The following KCNK10 variants were observed in gnomAD, a reference collection of about 807,000 sequenced individuals.
The protein encoded by KCNK10 is potassium channel subfamily K member 10.
A neutral mutation model predicts 47.7 loss-of-function variants in KCNK10; 25 were observed. The observed-to-expected ratio is 0.52, with a 90% confidence interval of 0.38 to 0.73. The LOEUF is 0.73. Among genes scored for constraint, KCNK10 ranks in the 30% least tolerant of loss-of-function variants. The probability of loss-of-function intolerance (pLI) is 0.00; values close to 1 mark genes in which losing one functional copy is unlikely to be tolerated. For missense variants in KCNK10, 563 were observed against 714.5 expected, an observed-to-expected ratio of 0.79 and a Z score of 2.42; for synonymous variants, 303 against 285.6, an observed-to-expected ratio of 1.06 and a Z score of -0.61.
In KCNK10 at chr14:88,186,173, G is replaced by C; in HGVS notation, c.1012-18C>G. On this transcript the variant is annotated intron_variant, in intron 6 of 6. Coordinates refer to ENST00000319231, the MANE Select transcript of KCNK10 (RefSeq NM_138317.3). The surrounding 1 kb of genome is among the most constrained non-coding windows in gnomAD (Gnocchi z 5.5). ...TCACCCACCTGGCCAAGAGACAGAA[G>C]AGCAACAATATGCTGACAAATGCCT... is the stretch of plus-strand genomic sequence containing the variant. 1 of 1,561,400 alleles carries C rather than the reference G, an allele frequency of 6.4e-7. No individual in the cohort carries two copies. The highest frequency in any genetic ancestry group is 1.2e-5 in the South Asian group (1 of 82,378).
intron 1 of KCNK10, among the ~76,000 whole-genome samples, chr14:88,285,308 C>T (rs920195560): frequency 4.5e-4 from 69 of 152,228 alleles, no homozygotes; most frequent in Non-Finnish European, 8.5e-4. Context: ...GATGGGGTTT[C>T]GCCATGTTGG....
chr14:88,258,693 G>A (rs975137864), intron 2 of KCNK10, among the ~76,000 whole-genome samples: 3 of 152,152 alleles, frequency 2.0e-5, no homozygotes, highest in Non-Finnish European at 2.9e-5. Context: ...ATGAATGAAT[G>A]ACTAAATGAA....
At chr14:88,223,842 T>C (rs924676689) in intron 4 of KCNK10, among the ~76,000 whole-genome samples, 1 of 152,170 alleles carries the variant, frequency 6.6e-6, no homozygotes, top group African/African-American at 2.4e-5. Flanking sequence ...GGTTCTTTCT[T>C]TACATCTAGT....
chr14:88,221,300 T>C (rs1028364880), intron 4 of KCNK10, among the ~76,000 whole-genome samples: 3 of 68,976 alleles, frequency 4.3e-5, no homozygotes, highest in African/African-American at 3.0e-4. Context: ...AGACTCTGTC[T>C]CAATAATAAT....
chr14:88,326,711 A>C, upstream of KCNK10: 4 of 506,194 alleles, frequency 7.9e-6, no homozygotes, highest in Admixed American at 3.9e-5. Flanking sequence ...GCAGCTCAAA[A>C]CCTGCCCGGC....
intron 1 of KCNK10, among the ~76,000 whole-genome samples, chr14:88,296,086 C>G (rs1297080388): frequency 6.6e-6 from 1 of 152,180 alleles, no homozygotes; most frequent in Non-Finnish European, 1.5e-5. Flanking sequence ...GAATCTTGCT[C>G]AGGAACCCTA....
intron 1 of KCNK10, among the ~76,000 whole-genome samples, chr14:88,302,219 C>T (rs11159852): frequency 0.1 from 15,818 of 152,154 alleles, 990 homozygotes; most frequent in East Asian, 0.26. Flanking sequence ...AATGAGATGA[C>T]AAACTCTTGA....
intron 1 of KCNK10, among the ~76,000 whole-genome samples, chr14:88,267,790 A>G (rs2474952): frequency 0.67 from 101,719 of 152,078 alleles, 34,400 homozygotes; most frequent in East Asian, 0.94. Context: ...TGGAGTTCTC[A>G]TGCCTGGAAC....
chr14:88,277,460 G>A (rs373991814), intron 1 of KCNK10, among the ~76,000 whole-genome samples: 3 of 152,312 alleles, frequency 2.0e-5, no homozygotes, highest in East Asian at 1.9e-4. Context: ...GGGAGTGGGC[G>A]CAGGTTAGAG....
chr14:88,286,478 C>T (rs1241096818), intron 1 of KCNK10, among the ~76,000 whole-genome samples: 1 of 152,208 alleles, frequency 6.6e-6, no homozygotes. Flanking sequence ...AAGCATCCTG[C>T]ACACTGACTA....
chr14:88,315,164 T>G (rs1888405171), intron 1 of KCNK10, among the ~76,000 whole-genome samples: 1 of 152,210 alleles, frequency 6.6e-6, no homozygotes, highest in Non-Finnish European at 1.5e-5. Flanking sequence ...TTCAGGTTAT[T>G]GTAAGAATGT....
rs887044976 is a variant in KCNK10 at position 88,180,824 on chromosome 14, G to C, written c.*4711C>G. The C allele has an allele frequency of 1.5e-5, 6 of 398,594 alleles. No individual in the cohort carries two copies. In the East Asian group the frequency reaches 2.1e-4, roughly 14 times the overall value. The allele number at this position is 398,594 out of a possible 1,614,324, so 24.7% of individuals were successfully genotyped here. A position where few individuals can be genotyped will look rare whatever the true frequency, so the allele number is the denominator to read the frequency against. On this transcript the variant is annotated 3_prime_UTR_variant, in exon 7 of 7. Coordinates refer to ENST00000319231, the MANE Select transcript of KCNK10 (RefSeq NM_138317.3). ...GTGCAGAGACAGAGGACAGGGCTTT[G>C]CTTACAGCCATGTAATTAGCATGCT...
intron 1 of KCNK10, among the ~76,000 whole-genome samples, chr14:88,319,348 A>T (rs1277725791): frequency 6.6e-6 from 1 of 152,196 alleles, no homozygotes; most frequent in Non-Finnish European, 1.5e-5. Context: ...CCATGAGAGC[A>T]CCTCCGCCTG....
chr14:88,195,413 T>C (rs1884879549), intron 4 of KCNK10, among the ~76,000 whole-genome samples: 1 of 152,242 alleles, frequency 6.6e-6, no homozygotes, highest in Non-Finnish European at 1.5e-5. Flanking sequence ...GCCATTTTAA[T>C]GTAAATGCTC....
At chr14:88,319,472 T>C (rs1236189947) in intron 1 of KCNK10, among the ~76,000 whole-genome samples, 2 of 152,296 alleles carry the variant, frequency 1.3e-5, no homozygotes, top group Admixed American at 1.3e-4. Flanking sequence ...TAAACACATT[T>C]GGTCTGTGTA....
intron 2 of KCNK10, among the ~76,000 whole-genome samples, chr14:88,259,602 G>T (rs913219118): frequency 6.6e-6 from 1 of 152,080 alleles, no homozygotes; most frequent in Non-Finnish European, 1.5e-5. Flanking sequence ...GACTTCAGGC[G>T]TGTGCCACCA....
At chr14:88,256,163 T>A (rs1886949786) in intron 2 of KCNK10, among the ~76,000 whole-genome samples, 1 of 152,200 alleles carries the variant, frequency 6.6e-6, no homozygotes. Flanking sequence ...TTGGTCCTAG[T>A]GGAATTCGGA....
chr14:88,269,418 C>T (rs116190243), intron 1 of KCNK10, among the ~76,000 whole-genome samples: 1,535 of 152,246 alleles, frequency 0.01, 25 homozygotes, highest in African/African-American at 0.035. Flanking sequence ...AGATCTTACA[C>T]GTGCATGAAG....
chr14:88,267,765 C>A (rs568952332), intron 1 of KCNK10, among the ~76,000 whole-genome samples: 1 of 152,222 alleles, frequency 6.6e-6, no homozygotes, highest in South Asian at 2.1e-4. Context: ...TGCCTTATGA[C>A]CTGGAATCAA....
Sources: gnomAD v4.1 joint callset for allele counts (sites outside exome capture counted in the v4.1 genomes callset) on GRCh38, gnomAD v4.1.1 for gene constraint, Gnocchi (gnomAD v3.1) non-coding constraint, MANE v1.5 for transcripts, NCBI Gene and HGNC (gene_info 2026-07-23, HGNC 2026-07-21) for gene names.